The following REPS1 variants were observed in gnomAD, a reference collection of about 807,000 sequenced individuals.
REPS1 encodes the protein ralBP1-associated Eps domain-containing protein 1.
A neutral mutation model predicts 100.9 loss-of-function variants in REPS1; 39 were observed. The ratio of observed to expected loss-of-function variants is 0.39; its 90% CI spans 0.30 to 0.50. The LOEUF is 0.50. Among genes scored for constraint, REPS1 ranks in the 20% least tolerant of loss-of-function variants. The pLI is 0.86. For missense variants in REPS1, 821 were observed against 968.5 expected, an observed-to-expected ratio of 0.85 and a Z score of 2.02; for synonymous variants, 324 against 340.3, an observed-to-expected ratio of 0.95 and a Z score of 0.53.
Position 138,965,157 on chromosome 6 carries a change from T to G in REPS1, c.154-17244A>C, listed in dbSNP as rs577891799. Among the ~76,000 whole-genome samples the G allele has an allele frequency of 1.1e-4, 17 of 152,238 alleles. 2 individuals carry two copies. The South Asian group carries it at 3.5e-3, about 32-fold the overall frequency. ...AAAGTAGTACATACAGGCCAATAAATATTTTACTGCTCATAATCAGTCTCA... is the reference window on the plus strand; with the variant it reads ...AAAGTAGTACATACAGGCCAATAAAGATTTTACTGCTCATAATCAGTCTCA... On this transcript the variant is annotated intron_variant, in intron 1 of 19. Transcript: ENST00000450536.
chr6:138,939,741 T>C (rs989900067), intron 8 of REPS1, among the ~76,000 whole-genome samples: 2 of 152,230 alleles, frequency 1.3e-5, no homozygotes, highest in Admixed American at 6.5e-5. Flanking sequence ...GTTACTATCA[T>C]AGGTGTTTAA....
intron 1 of REPS1, among the ~76,000 whole-genome samples, chr6:138,970,661 G>A (rs1380273298): frequency 2.0e-5 from 3 of 152,116 alleles, no homozygotes; most frequent in Admixed American, 1.3e-4. Flanking sequence ...GTGCACACCT[G>A]TAGTCCCAGC....
intron 1 of REPS1, among the ~76,000 whole-genome samples, chr6:138,987,236 T>C (rs72973102): frequency 9.6e-4 from 146 of 152,364 alleles, no homozygotes; most frequent in Non-Finnish European, 1.9e-3. Context: ...CCTAAGATCC[T>C]TCAAGTGAGA....
chr6:138,985,950 A>C (rs573294086), intron 1 of REPS1, among the ~76,000 whole-genome samples: 1 of 152,344 alleles, frequency 6.6e-6, no homozygotes, highest in South Asian at 2.1e-4. Flanking sequence ...TTTAGATCCT[A>C]ACTTGAAGGT....
chr6:138,915,832 G>T, intron 14 of REPS1, 26 bp downstream of exon 14: 1 of 1,417,776 alleles, frequency 7.1e-7, no homozygotes, highest in Non-Finnish European at 9.9e-7. Context: ...AAATGATAAT[G>T]TATATTATGG....
chr6:138,907,340 G>GTGTGTGTGTGTGTGTGTGTGTGT, intron 19 of REPS1, 155 bp downstream of exon 19: 1 of 490,432 alleles, frequency 2.0e-6, no homozygotes, highest in South Asian at 2.3e-5. Flanking sequence ...GTGTGTGTGT[G>GTGTGTGTGTGTGTGTGTGTGTGT]GCGGGGAGGG....
intron 1 of REPS1, among the ~76,000 whole-genome samples, chr6:138,975,453 G>A (rs553688385): frequency 6.6e-6 from 1 of 152,302 alleles, no homozygotes; most frequent in Non-Finnish European, 1.5e-5. Flanking sequence ...AAGAACAACA[G>A]ACAATTTTCT....
At chr6:138,957,262 TA>T (rs1414766941) in intron 1 of REPS1, among the ~76,000 whole-genome samples, 1 of 152,144 alleles carries the variant, frequency 6.6e-6, no homozygotes, top group Non-Finnish European at 1.5e-5. Flanking sequence ...ACAAAGATCC[TA>T]AAACATTTAG....
chr6:138,918,108 T>C (rs1301097373), intron 12 of REPS1, among the ~76,000 whole-genome samples: 1 of 151,876 alleles, frequency 6.6e-6, no homozygotes, highest in Non-Finnish European at 1.5e-5. Flanking sequence ...TGTGTGTGTG[T>C]GCGTGTGTAT....
rs1554294151 is a variant in REPS1, at chr6:138,955,457, A to AGTGTGTGTGTGTGTGTGTGT, written c.154-7564_154-7545dup. ...TGTCTCTTTAAAAAAAAAAAAAAAAAGTGTGTGTGTGTGTGTGTGTGTGTG... is the reference window on the plus strand; with the variant it reads ...TGTCTCTTTAAAAAAAAAAAAAAAAAGTGTGTGTGTGTGTGTGTGTGTGTGTGTGTGTGTGTGTGTGTGTG... On this transcript the variant is annotated intron_variant, in intron 1 of 19. Transcript: ENST00000450536. Among the ~76,000 whole-genome samples, 29 of 90,732 alleles carry AGTGTGTGTGTGTGTGTGTGT rather than the reference A, an allele frequency of 3.2e-4. 1 individual carries two copies. Among genetic ancestry groups the AGTGTGTGTGTGTGTGTGTGT allele is most frequent in the African/African-American group, 1.1e-3 (22 of 19,434 alleles). 59.5% of individuals were successfully genotyped at this position (90,732 alleles called of 152,430 possible). A position where few individuals can be genotyped will look rare whatever the true frequency, so the allele number is the denominator to read the frequency against.
chr6:138,941,574 C>A, intron 7 of REPS1, 85 bp from the exon 8 acceptor site: 1 of 1,319,114 alleles, frequency 7.6e-7, no homozygotes, highest in South Asian at 1.3e-5. Flanking sequence ...AAATATTTTC[C>A]ATGAGAAAGT....
At chr6:138,953,618 C>G (rs1783181231) in intron 1 of REPS1, among the ~76,000 whole-genome samples, 1 of 148,622 alleles carries the variant, frequency 6.7e-6, no homozygotes, top group Non-Finnish European at 1.5e-5. Flanking sequence ...TATTAATCAT[C>G]AAGGAAATGC....
At chr6:138,929,899 G>C in intron 9 of REPS1, 78 bp downstream of exon 9, 1 of 1,418,694 alleles carries the variant, frequency 7.0e-7, no homozygotes, top group Middle Eastern at 1.8e-4. Context: ...GGAAGAGACA[G>C]ACTGAAATTG....
intron 1 of REPS1, among the ~76,000 whole-genome samples, chr6:138,975,703 A>G (rs963033725): frequency 4.6e-5 from 7 of 152,118 alleles, no homozygotes; most frequent in Non-Finnish European, 1.0e-4. Flanking sequence ...GCGCAGTGGC[A>G]GGCGCCTGTA....
intron 1 of REPS1, among the ~76,000 whole-genome samples, chr6:138,952,461 G>A (rs894005934): frequency 3.8e-4 from 57 of 151,396 alleles, no homozygotes; most frequent in African/African-American, 1.3e-3. Context: ...GAGCAATGGC[G>A]CGATCTCAGC....
At chr6:138,979,006 C>G (rs1784759978) in intron 1 of REPS1, among the ~76,000 whole-genome samples, 1 of 151,856 alleles carries the variant, frequency 6.6e-6, no homozygotes, top group Admixed American at 6.6e-5. Context: ...CATGGTGAAA[C>G]CCTGTCTCTA....
At chr6:138,961,800 A>G (rs1783758025) in intron 1 of REPS1, among the ~76,000 whole-genome samples, 1 of 152,226 alleles carries the variant, frequency 6.6e-6, no homozygotes, top group Non-Finnish European at 1.5e-5. Flanking sequence ...TTTTGATCCC[A>G]TCACTGTGTA....
chr6:138,925,994 T>C (rs532480769), intron 10 of REPS1, among the ~76,000 whole-genome samples: 15 of 152,136 alleles, frequency 9.9e-5, no homozygotes, highest in Non-Finnish European at 1.6e-4. Flanking sequence ...CATGTCAAAA[T>C]AAAAGATGAC....
intron 8 of REPS1, among the ~76,000 whole-genome samples, chr6:138,937,567 T>C (rs1273979721): frequency 6.6e-6 from 1 of 152,186 alleles, no homozygotes; most frequent in African/African-American, 2.4e-5. Flanking sequence ...TGTAGATCCA[T>C]GCAACGCACC....
Sources: gnomAD v4.1 joint callset for allele counts (sites outside exome capture counted in the v4.1 genomes callset) on GRCh38, gnomAD v4.1.1 for gene constraint, MANE v1.5 for transcripts, NCBI Gene and HGNC (gene_info 2026-07-23, HGNC 2026-07-21) for gene names.